Variants in NAV2 observed in about 807,000 individuals in gnomAD.
NAV2 encodes the protein helicase, APC down-regulated 1.
Under a neutral mutation model 223.2 loss-of-function variants are expected in NAV2, and 54 were observed. The ratio of observed to expected loss-of-function variants is 0.24; its 90% CI spans 0.19 to 0.30. The LOEUF is 0.30. Among genes scored for constraint, NAV2 ranks in the 10% least tolerant of loss-of-function variants. The pLI, the probability that NAV2 is intolerant of heterozygous loss-of-function variation, is 1.00. For missense variants in NAV2, 2,806 were observed against 3,147.5 expected (o/e 0.89, Z 2.60); for synonymous variants, 1,279 against 1,239.3 (o/e 1.03, Z -0.67).
chr11:19,776,632 ATG>A (rs71050685), intron 1 of NAV2, among the ~76,000 whole-genome samples: 2,429 of 64,614 alleles, frequency 0.038, 80 homozygotes, highest in African/African-American at 0.099. Context: ...GGGTCAGAAA[ATG>A]TGTGTGTGTG....
chr11:19,387,760 CT>C (rs1849098452), intron 1 of NAV2, among the ~76,000 whole-genome samples: 1 of 152,114 alleles, frequency 6.6e-6, no homozygotes, highest in Admixed American at 6.6e-5. Flanking sequence ...TTAAGTCTTC[CT>C]CTTTGCTCTA....
At chr11:19,853,584 A>C (rs535887631) in intron 3 of NAV2, among the ~76,000 whole-genome samples, 12 of 152,278 alleles carry the variant, frequency 7.9e-5, no homozygotes, top group African/African-American at 2.9e-4. Context: ...TCTTTTTGCA[A>C]TGTGGCCCAG....
At chr11:19,414,082 A>T (rs568128466) in intron 1 of NAV2, among the ~76,000 whole-genome samples, 13 of 152,342 alleles carry the variant, frequency 8.5e-5, no homozygotes, top group African/African-American at 3.1e-4. Flanking sequence ...TTAACCTTAA[A>T]TGTAAATGGG....
At chr11:19,797,379 C>T (rs1207648551) in intron 1 of NAV2, among the ~76,000 whole-genome samples, 2 of 152,200 alleles carry the variant, frequency 1.3e-5, no homozygotes, top group African/African-American at 4.8e-5. Flanking sequence ...TTCTCCACCT[C>T]CTCCCATCCC....
intron 1 of NAV2, among the ~76,000 whole-genome samples, chr11:19,404,185 T>TG (rs1330391923): frequency 1.3e-5 from 2 of 152,000 alleles, no homozygotes; most frequent in East Asian, 3.9e-4. Flanking sequence ...GCCAAGGGAG[T>TG]GGGCTTTCTT....
intron 20 of NAV2, among the ~76,000 whole-genome samples, chr11:20,063,276 A>C (rs531297214): frequency 6.6e-6 from 1 of 152,248 alleles, no homozygotes; most frequent in Non-Finnish European, 1.5e-5. Flanking sequence ...TCCATGAGAG[A>C]GGTTTAGTAA....
At chr11:20,057,230 G>A (rs916598474) in intron 19 of NAV2, among the ~76,000 whole-genome samples, 4 of 152,170 alleles carry the variant, frequency 2.6e-5, no homozygotes, top group African/African-American at 9.7e-5. Context: ...AAGTCAAAAG[G>A]GAGAGAAACA....
intron 17 of NAV2, among the ~76,000 whole-genome samples, chr11:20,052,316 T>C (rs1026558881): frequency 2.4e-4 from 37 of 152,340 alleles, no homozygotes; most frequent in African/African-American, 8.7e-4. Context: ...ATCCTCTGAG[T>C]AAAGCCAGTT....
chr11:19,464,562 G>A (rs140720314), intron 1 of NAV2, among the ~76,000 whole-genome samples: 87 of 152,314 alleles, frequency 5.7e-4, no homozygotes, highest in African/African-American at 2.0e-3. Flanking sequence ...CTGCAGAATG[G>A]AGAAGTGGGA....
chr11:19,587,607 A>C lies in NAV2; in HGVS notation c.75+236580A>C, dbSNP rs529488322. Reference sequence around the variant, plus strand: ...AGAAAACTCTTATGGTCTGGGTTGAAAGCATCTGACTTCAAGGGTTAATTC... The same window carrying C: ...AGAAAACTCTTATGGTCTGGGTTGACAGCATCTGACTTCAAGGGTTAATTC... On this transcript the variant is annotated intron_variant, in intron 1 of 37. Transcript: ENST00000360655. 2.0e-5 allele frequency among the ~76,000 whole-genome samples: 3 copies of C among 152,304 alleles called. No homozygotes were observed. The East Asian group carries it at 5.8e-4, about 29-fold the overall frequency.
chr11:19,669,679 G>A (rs1258549237), intron 1 of NAV2, among the ~76,000 whole-genome samples: 3 of 152,234 alleles, frequency 2.0e-5, no homozygotes, highest in African/African-American at 7.2e-5. Context: ...CTTTGAGCCA[G>A]AAGCACCTGG....
At chr11:19,392,250 T>A (rs913297618) in intron 1 of NAV2, among the ~76,000 whole-genome samples, 4 of 152,258 alleles carry the variant, frequency 2.6e-5, no homozygotes, top group African/African-American at 9.6e-5. Context: ...TTTTCTCATC[T>A]GTAAAATGGA....
At chr11:19,513,961 C>G (rs2043359624) in intron 1 of NAV2, among the ~76,000 whole-genome samples, 1 of 152,172 alleles carries the variant, frequency 6.6e-6, no homozygotes, top group South Asian at 2.1e-4. Flanking sequence ...GAGCATGGCG[C>G]TGCTCACACC....
chr11:19,888,783 T>C (rs2041245755), intron 5 of NAV2, among the ~76,000 whole-genome samples: 1 of 152,160 alleles, frequency 6.6e-6, no homozygotes, highest in Non-Finnish European at 1.5e-5. Flanking sequence ...AGTGGCATGC[T>C]CTGCCCCCTG....
chr11:19,990,808 C>G (rs562019931), intron 11 of NAV2, among the ~76,000 whole-genome samples: 1 of 152,302 alleles, frequency 6.6e-6, no homozygotes, highest in Non-Finnish European at 1.5e-5. Flanking sequence ...TTCCAGTACT[C>G]AAAAGTCCCA....
chr11:19,665,320 T>C (rs552106556), intron 1 of NAV2, among the ~76,000 whole-genome samples: 1 of 152,320 alleles, frequency 6.6e-6, no homozygotes, highest in Non-Finnish European at 1.5e-5. Flanking sequence ...GGACCAGTGC[T>C]CCTTTCAGGT....
At chr11:19,894,931 T>C (rs2041827753) in intron 6 of NAV2, among the ~76,000 whole-genome samples, 1 of 151,942 alleles carries the variant, frequency 6.6e-6, no homozygotes, top group East Asian at 1.9e-4. Flanking sequence ...GGTTTCACCA[T>C]GTTGGTCAGG....
intron 1 of NAV2, among the ~76,000 whole-genome samples, chr11:19,675,294 C>T (rs2048684639): frequency 6.6e-6 from 1 of 152,120 alleles, no homozygotes; most frequent in Admixed American, 6.5e-5. Flanking sequence ...ATTCCTTTTT[C>T]CCAGTCTGCC....
chr11:19,533,294 C>T (rs993831606), intron 1 of NAV2, among the ~76,000 whole-genome samples: 2 of 152,034 alleles, frequency 1.3e-5, no homozygotes, highest in African/African-American at 2.4e-5. Flanking sequence ...GCAGCATCCT[C>T]GGCCTCTACC....
Sources: allele counts gnomAD v4.1 joint callset (sites outside exome capture counted in the v4.1 genomes callset), GRCh38; gene constraint gnomAD v4.1.1; transcripts MANE v1.5; gene names NCBI Gene and HGNC (gene_info 2026-07-23, HGNC 2026-07-21).